The following CLSTN2 variants were observed in gnomAD, a reference collection of about 807,000 sequenced individuals.
CLSTN2 encodes the protein calsyntenin 2.
CLSTN2 carries 48 observed loss-of-function variants against 101.2 expected under a neutral mutation model. The ratio of observed to expected loss-of-function variants is 0.47; its 90% CI spans 0.38 to 0.60. The LOEUF is 0.60. Among genes scored for constraint, CLSTN2 ranks in the 20% least tolerant of loss-of-function variants. The pLI is 0.00. For synonymous variants in CLSTN2, 481 were observed against 463.6 expected, an observed-to-expected ratio of 1.04 and a Z score of -0.48; for missense variants, 1,160 against 1,238.2, an observed-to-expected ratio of 0.94 and a Z score of 0.95.
chr3:140,090,401 A>C (rs1442765509), intron 1 of CLSTN2, among the ~76,000 whole-genome samples: 1 of 152,016 alleles, frequency 6.6e-6, no homozygotes, highest in Admixed American at 6.6e-5. Context: ...TGACTTCCAA[A>C]GCACTGGGAT....
At chr3:140,059,560 G>A (rs114501010) in intron 1 of CLSTN2, among the ~76,000 whole-genome samples, 2,650 of 152,214 alleles carry the variant, frequency 0.017, 32 homozygotes, top group Middle Eastern at 0.031. Flanking sequence ...TTCCTGTCAA[G>A]CCCTCACTCA....
intron 1 of CLSTN2, among the ~76,000 whole-genome samples, chr3:139,941,349 A>G (rs1287677921): frequency 2.0e-5 from 3 of 152,132 alleles, no homozygotes; most frequent in Admixed American, 6.5e-5. Context: ...AATGGTTAGA[A>G]TGAGAGTTAG....
intron 2 of CLSTN2, among the ~76,000 whole-genome samples, chr3:140,344,380 A>G (rs1390563789): frequency 6.6e-6 from 1 of 152,216 alleles, no homozygotes; most frequent in East Asian, 1.9e-4. Context: ...TGAACATGCC[A>G]ATGGCCAAAA....
At chr3:140,495,182 T>C (rs1934439218) in intron 8 of CLSTN2, among the ~76,000 whole-genome samples, 1 of 152,220 alleles carries the variant, frequency 6.6e-6, no homozygotes. Context: ...GGTATCTCAT[T>C]GTGGTTTTGA....
intron 6 of CLSTN2, chr3:140,450,044 C>T (rs1389049816): frequency 6.6e-6 from 1 of 152,258 alleles, no homozygotes; most frequent in Middle Eastern, 3.2e-3. Context: ...GAGGGGTGCT[C>T]TGAAAGGTGG....
chr3:140,300,638 G>A (rs1013366398), intron 2 of CLSTN2, among the ~76,000 whole-genome samples: 1 of 152,094 alleles, frequency 6.6e-6, no homozygotes, highest in African/African-American at 2.4e-5. Context: ...TAGGAGCTAG[G>A]TGGGCCCATG....
At chr3:140,268,576 A>G (rs2086715787) in intron 2 of CLSTN2, among the ~76,000 whole-genome samples, 1 of 152,196 alleles carries the variant, frequency 6.6e-6, no homozygotes, top group African/African-American at 2.4e-5. Context: ...CAGGCAAAAC[A>G]TCACTCACAA....
At chr3:140,426,075 A>C (rs1273642983) in intron 5 of CLSTN2, among the ~76,000 whole-genome samples, 2 of 152,340 alleles carry the variant, frequency 1.3e-5, no homozygotes, top group East Asian at 3.9e-4. Flanking sequence ...ACAGGCTTGC[A>C]TCCTGCCTCT....
chr3:140,315,502 A>C (rs1459241794), intron 2 of CLSTN2, among the ~76,000 whole-genome samples: 2 of 152,194 alleles, frequency 1.3e-5, no homozygotes, highest in African/African-American at 4.8e-5. Context: ...AATTATGAAA[A>C]TGTTTATTTG....
chr3:140,411,344 A>G (rs575565738), intron 4 of CLSTN2, among the ~76,000 whole-genome samples: 1 of 152,380 alleles, frequency 6.6e-6, no homozygotes, highest in Non-Finnish European at 1.5e-5. Context: ...TCATTATATG[A>G]TAATAAAAAA....
At chr3:139,954,781 A>C (rs1213821284) in intron 1 of CLSTN2, among the ~76,000 whole-genome samples, 1 of 152,104 alleles carries the variant, frequency 6.6e-6, no homozygotes, top group African/African-American at 2.4e-5. Context: ...TATCCACCAT[A>C]GCTTGTGCAT....
chr3:140,086,599 C>T (rs2008686954), intron 1 of CLSTN2, among the ~76,000 whole-genome samples: 1 of 152,152 alleles, frequency 6.6e-6, no homozygotes, highest in Non-Finnish European at 1.5e-5. Context: ...AGTTAAAGTT[C>T]ACCTGGTTTA....
chr3:140,398,208 A>G (rs941086803), intron 2 of CLSTN2, among the ~76,000 whole-genome samples: 1 of 152,180 alleles, frequency 6.6e-6, no homozygotes, highest in African/African-American at 2.4e-5. Context: ...CTTTTCCTAG[A>G]CACAAACCAG....
At chr3:140,491,791 C>G (rs1000447732) in intron 8 of CLSTN2, among the ~76,000 whole-genome samples, 1 of 152,234 alleles carries the variant, frequency 6.6e-6, no homozygotes, top group African/African-American at 2.4e-5. Context: ...CACTGCACTC[C>G]AGCCTGGGCA....
At chr3:140,317,252 T>G (rs2087239277) in intron 2 of CLSTN2, among the ~76,000 whole-genome samples, 1 of 152,144 alleles carries the variant, frequency 6.6e-6, no homozygotes, top group Non-Finnish European at 1.5e-5. Context: ...TGCATCATCC[T>G]TTGAATGTGC....
At chr3:140,185,729 A>G (rs1208516253) in intron 2 of CLSTN2, among the ~76,000 whole-genome samples, 1 of 152,200 alleles carries the variant, frequency 6.6e-6, no homozygotes, top group Admixed American at 6.5e-5. Flanking sequence ...CAACTGTTGC[A>G]GGTGAAGCTT....
At chr3:140,289,446 C>G (rs1428668901) in intron 2 of CLSTN2, among the ~76,000 whole-genome samples, 2 of 151,942 alleles carry the variant, frequency 1.3e-5, no homozygotes, top group African/African-American at 2.4e-5. Context: ...TTTTTGGTAC[C>G]TAGTTAATCT....
intron 9 of CLSTN2, among the ~76,000 whole-genome samples, chr3:140,541,926 CT>C (rs1317164693): frequency 5.9e-5 from 9 of 152,180 alleles, no homozygotes; most frequent in African/African-American, 2.2e-4. Context: ...CCCTTCTACT[CT>C]TCTCTCTGCC....
chr3:140,246,941 A>G (rs546245391), intron 2 of CLSTN2, among the ~76,000 whole-genome samples: 4 of 152,264 alleles, frequency 2.6e-5, no homozygotes, highest in Non-Finnish European at 4.4e-5. Context: ...TAATGCTCTT[A>G]TTAGTCATTG....
Sources: gnomAD v4.1 joint callset for allele counts (sites outside exome capture counted in the v4.1 genomes callset) on GRCh38, gnomAD v4.1.1 for gene constraint, MANE v1.5 for transcripts, NCBI Gene and HGNC (gene_info 2026-07-23, HGNC 2026-07-21) for gene names.